BTRC: variants seen among roughly 807,000 people sequenced by gnomAD.
The protein encoded by BTRC is F-box/WD repeat-containing protein 1A.
Under a neutral mutation model 85.5 loss-of-function variants are expected in BTRC, and 42 were observed. The observed-to-expected ratio is 0.49, with a 90% CI of 0.38 to 0.64. The LOEUF is 0.64. BTRC is among the 30% of genes least tolerant of loss of function. BTRC has a pLI of 0.00. For missense variants in BTRC, 594 were observed against 743.5 expected (o/e 0.80, Z 2.34); for synonymous variants, 255 against 263.3 (o/e 0.97, Z 0.30).
At chr10:101,396,736 G>A (rs11190990) in intron 1 of BTRC, among the ~76,000 whole-genome samples, 55,112 of 151,292 alleles carry the variant, frequency 0.36, 11,013 homozygotes, top group Middle Eastern at 0.47. Context: ...GCAGATATTC[G>A]TCAGGGTTTG....
intron 3 of BTRC, among the ~76,000 whole-genome samples, chr10:101,469,778 A>C (rs1027043582): frequency 7.9e-5 from 12 of 152,182 alleles, no homozygotes; most frequent in African/African-American, 2.9e-4. Flanking sequence ...CTGCACCACC[A>C]ATGGATCAAA....
chr10:101,442,556 GAT>G (rs1009914917), intron 2 of BTRC, among the ~76,000 whole-genome samples: 29 of 152,084 alleles, frequency 1.9e-4, no homozygotes, highest in African/African-American at 7.0e-4. Context: ...TAAAAATTAA[GAT>G]ATATTTTATT....
intron 1 of BTRC, among the ~76,000 whole-genome samples, chr10:101,397,163 C>A (rs965169271): frequency 3.3e-5 from 5 of 152,152 alleles, no homozygotes; most frequent in Non-Finnish European, 7.4e-5. Flanking sequence ...TATATAAATT[C>A]TCTTATTTAC....
chr10:101,396,257 A>G (rs1167825157), intron 1 of BTRC, among the ~76,000 whole-genome samples: 2 of 151,224 alleles, frequency 1.3e-5, no homozygotes, highest in Non-Finnish European at 2.9e-5. Flanking sequence ...TAAAATTTTT[A>G]TACTGCCAAT....
intron 6 of BTRC, 106 bp downstream of exon 6, chr10:101,526,305 G>A: frequency 1.0e-6 from 1 of 996,050 alleles, no homozygotes. Context: ...ATTTAATATG[G>A]TGATTTTGTT....
At chr10:101,538,634 G>A (rs1051061888) in intron 13 of BTRC, among the ~76,000 whole-genome samples, 1 of 152,142 alleles carries the variant, frequency 6.6e-6, no homozygotes, top group Non-Finnish European at 1.5e-5. Context: ...TTTAGTGCAG[G>A]GAGTGAATAA....
intron 4 of BTRC, among the ~76,000 whole-genome samples, chr10:101,487,555 T>C (rs1946021280): frequency 6.6e-6 from 1 of 152,194 alleles, no homozygotes; most frequent in African/African-American, 2.4e-5. Context: ...TCTCCTGATA[T>C]TGTAAAAATA....
intron 1 of BTRC, among the ~76,000 whole-genome samples, chr10:101,378,063 G>A (rs937984033): frequency 1.3e-5 from 2 of 152,086 alleles, no homozygotes; most frequent in Non-Finnish European, 2.9e-5. Flanking sequence ...CTGATTTCAT[G>A]TTCCTAGTAG....
At chr10:101,486,627 G>C (rs1468700193) in intron 4 of BTRC, among the ~76,000 whole-genome samples, 1 of 152,016 alleles carries the variant, frequency 6.6e-6, no homozygotes, top group Admixed American at 6.6e-5. Flanking sequence ...AAAAGGCATC[G>C]GTTTCTATTA....
chr10:101,547,338 T>C (rs1275786633), intron 13 of BTRC, among the ~76,000 whole-genome samples: 3 of 138,838 alleles, frequency 2.2e-5, no homozygotes, highest in Admixed American at 7.1e-5. Context: ...CTTTTTTTTT[T>C]TTTTTTTTTT....
intron 2 of BTRC, among the ~76,000 whole-genome samples, chr10:101,431,066 C>CTTTCTTTTTT (rs1944389824): frequency 9.7e-6 from 1 of 103,390 alleles, no homozygotes; most frequent in Non-Finnish European, 2.2e-5. Flanking sequence ...TCCCCTCAGC[C>CTTTCTTTTTT]TTTCTTTTTT....
intron 2 of BTRC, among the ~76,000 whole-genome samples, chr10:101,444,412 TTTAAACAG>T (rs1309672510): frequency 6.6e-6 from 1 of 152,238 alleles, no homozygotes; most frequent in Non-Finnish European, 1.5e-5. Context: ...AAAGTGCTTC[TTTAAACAG>T]TCTGTTTCTA....
chr10:101,368,390 C>G (rs1942531788), intron 1 of BTRC, among the ~76,000 whole-genome samples: 1 of 151,230 alleles, frequency 6.6e-6, no homozygotes, highest in Non-Finnish European at 1.5e-5. Flanking sequence ...TTATGAATTA[C>G]CCACCCTCAG....
intron 4 of BTRC, among the ~76,000 whole-genome samples, chr10:101,491,426 G>A (rs970776271): frequency 4.6e-5 from 7 of 151,964 alleles, no homozygotes; most frequent in African/African-American, 1.5e-4. Context: ...GGCCTGGTTC[G>A]GCTCACACTT....
At chr10:101,409,943 A>C (rs971350767) in intron 1 of BTRC, among the ~76,000 whole-genome samples, 6 of 152,330 alleles carry the variant, frequency 3.9e-5, no homozygotes, top group Middle Eastern at 3.4e-3. Flanking sequence ...GGTATATACC[A>C]AAATTGCTAT....
chr10:101,505,369 C>T (rs1946507119), intron 4 of BTRC, among the ~76,000 whole-genome samples: 1 of 150,536 alleles, frequency 6.6e-6, no homozygotes, highest in African/African-American at 2.4e-5. Flanking sequence ...CCTGTAATCC[C>T]AGCACTCTGG....
chr10:101,415,459 C>A (rs10883645), intron 1 of BTRC, among the ~76,000 whole-genome samples: 1 of 105,750 alleles, frequency 9.5e-6, no homozygotes, highest in Non-Finnish European at 1.8e-5. Context: ...CCAGCCACCA[C>A]TTTTATTTTA....
chr10:101,378,831 T>TGGAA (rs1167232413), intron 1 of BTRC, among the ~76,000 whole-genome samples: 3 of 152,074 alleles, frequency 2.0e-5, no homozygotes, highest in Admixed American at 1.3e-4. Context: ...TTATAACTTG[T>TGGAA]TTCCATGGGA....
intron 2 of BTRC, among the ~76,000 whole-genome samples, chr10:101,432,300 A>AT (rs1048753341): frequency 9.3e-5 from 14 of 150,228 alleles, no homozygotes; most frequent in Non-Finnish European, 1.8e-4. Context: ...TCATTTTTCT[A>AT]TTTTTTTTGT....
Sources: allele counts gnomAD v4.1 joint callset (sites outside exome capture counted in the v4.1 genomes callset), GRCh38; gene constraint gnomAD v4.1.1; transcripts MANE v1.5; gene names NCBI Gene and HGNC (gene_info 2026-07-23, HGNC 2026-07-21).